Variants in ADGRG4 observed in about 807,000 individuals in gnomAD.
The protein encoded by ADGRG4 is G protein-coupled receptor 112.
A neutral mutation model predicts 126.2 loss-of-function variants in ADGRG4; 122 were observed. The observed-to-expected ratio is 0.97, with a 90% confidence interval of 0.83 to 1.12. The LOEUF (loss-of-function observed/expected upper bound fraction) is 1.12. Among genes scored for constraint, ADGRG4 ranks in the 50% most tolerant of loss-of-function variants. ADGRG4 has a pLI of 0.00. For synonymous variants in ADGRG4, 943 were observed against 838.7 expected, an observed-to-expected ratio of 1.12 and a Z score of -2.15; for missense variants, 2,481 against 2,251.8, an observed-to-expected ratio of 1.10 and a Z score of -2.06.
intron 13 of ADGRG4, among the ~76,000 whole-genome samples, chrX:136,364,237 C>T (rs183795801): frequency 3.1e-4 from 34 of 111,191 alleles, no homozygotes; most frequent in African/African-American, 1.1e-3. Context: ...CATCTCCCTC[C>T]CACTGCTGAC....
intron 1 of ADGRG4, among the ~76,000 whole-genome samples, chrX:136,301,681 C>T (rs918150048): frequency 1.8e-5 from 2 of 111,872 alleles, no homozygotes; most frequent in African/African-American, 6.5e-5. Flanking sequence ...AATGGTATTG[C>T]CTAGGTTTTC....
intron 4 of ADGRG4, among the ~76,000 whole-genome samples, chrX:136,314,472 C>T (rs141194552): frequency 9.0e-6 from 1 of 111,714 alleles, no homozygotes; most frequent in Non-Finnish European, 1.9e-5. Flanking sequence ...CACAGTCCCA[C>T]CAAAAGGCCT....
At position 136,400,051 on chromosome X, in the gene ADGRG4, C is replaced by G; in HGVS notation, c.8510C>G (p.Ala2837Gly). 8.3e-7 allele frequency: 1 copy of G among 1,206,526 alleles called. No homozygotes were observed. The highest frequency in any genetic ancestry group is 1.1e-6 in the Non-Finnish European group (1 of 890,817). The change falls in exon 21 of 26, where the codon GCT (alanine) becomes GGT (glycine). Residue 2837 changes from alanine to glycine, a missense_variant. By Grantham distance (60) the Ala-to-Gly change is moderately conservative (BLOSUM62 0). Coordinates refer to ENST00000394143, the MANE Select transcript of ADGRG4 (RefSeq NM_153834.4). The stretch of plus-strand genomic sequence containing the variant: ...CTGGAGGCAGTCCACATGTATTTGG[C>G]TCTAGTCAAAGTCTTCAACATATAC... ...MGLEAVHMYL[A>G]LVKVFNIYIP...
At chrX:136,360,176 T>C (rs1012292859) in intron 11 of ADGRG4, among the ~76,000 whole-genome samples, 1 of 111,115 alleles carries the variant, frequency 9.0e-6, no homozygotes, top group Non-Finnish European at 1.9e-5. Flanking sequence ...AATGAATGTG[T>C]CCTAAGAATG....
At chrX:136,383,463 T>C (rs1262336663) in intron 15 of ADGRG4, among the ~76,000 whole-genome samples, 1 of 112,000 alleles carries the variant, frequency 8.9e-6, no homozygotes, top group Non-Finnish European at 1.9e-5. Context: ...AACCAAGTCA[T>C]CCAAGCCTTC....
At chrX:136,353,280 G>T in intron 7 of ADGRG4, 57 bp from the exon 8 acceptor site, 2 of 784,106 alleles carry the variant, frequency 2.6e-6, no homozygotes, top group Non-Finnish European at 3.9e-6. Context: ...AAGTGATTTT[G>T]CTGAGTTAAA....
chrX:136,394,596 A>C (rs1458866960), intron 18 of ADGRG4, among the ~76,000 whole-genome samples: 3 of 111,803 alleles, frequency 2.7e-5, no homozygotes, highest in Non-Finnish European at 3.8e-5. Context: ...TTTGTCCCCT[A>C]CAACCTCAAT....
At chrX:136,384,631 A>G (rs1245914531) in intron 15 of ADGRG4, among the ~76,000 whole-genome samples, 1 of 111,412 alleles carries the variant, frequency 9.0e-6, no homozygotes, top group Non-Finnish European at 1.9e-5. Context: ...TGAGTTTTTA[A>G]TTTATCTGAA....
At chrX:136,332,099 C>T (rs900439252) in intron 5 of ADGRG4, among the ~76,000 whole-genome samples, 41 of 108,737 alleles carry the variant, frequency 3.8e-4, no homozygotes, top group African/African-American at 1.4e-3. Context: ...TGATGCGCTG[C>T]ACACACTAAC....
chrX:136,388,406 CAG>C (rs1270201064), intron 16 of ADGRG4, among the ~76,000 whole-genome samples: 1 of 112,042 alleles, frequency 8.9e-6, no homozygotes, highest in East Asian at 2.8e-4. Flanking sequence ...AGTGTGGACT[CAG>C]GGGCAGGCTG....
chrX:136,386,285 T>C (rs1230892945), intron 15 of ADGRG4, among the ~76,000 whole-genome samples: 1 of 111,942 alleles, frequency 8.9e-6, no homozygotes, highest in East Asian at 2.8e-4. Context: ...GTATTTTGTT[T>C]ACAATGGGGT....
At chrX:136,339,473 C>T (rs1240044428) in intron 5 of ADGRG4, among the ~76,000 whole-genome samples, 2 of 111,578 alleles carry the variant, frequency 1.8e-5, no homozygotes, top group African/African-American at 6.5e-5. Context: ...TAGCAAGGTG[C>T]CCAGTCAGTC....
At chrX:136,352,741 G>T (rs1203309850) in intron 7 of ADGRG4, among the ~76,000 whole-genome samples, 1 of 111,760 alleles carries the variant, frequency 8.9e-6, no homozygotes, top group African/African-American at 3.3e-5. Flanking sequence ...TTCCCTGTCA[G>T]CACTTATTTT....
chrX:136,390,956 C>T (rs1286665453), intron 16 of ADGRG4, among the ~76,000 whole-genome samples: 1 of 110,419 alleles, frequency 9.1e-6, no homozygotes, highest in Non-Finnish European at 1.9e-5. Flanking sequence ...AGCCCTTAGC[C>T]TTTTGAGTGT....
chrX:136,360,329 G>GA (rs1195661289), intron 11 of ADGRG4, among the ~76,000 whole-genome samples: 1 of 111,034 alleles, frequency 9.0e-6, no homozygotes, highest in Non-Finnish European at 1.9e-5. Context: ...TAAGTGCTCA[G>GA]AAAAAAATGG....
chrX:136,313,510 T>C (rs2074786628), intron 4 of ADGRG4, among the ~76,000 whole-genome samples: 1 of 112,289 alleles, frequency 8.9e-6, no homozygotes. Flanking sequence ...AGTTCTTTCT[T>C]TTTAATTTTT....
At chrX:136,323,507 A>C (rs2074853270) in intron 5 of ADGRG4, 115 bp downstream of exon 5, 3 of 594,701 alleles carry the variant, frequency 5.0e-6, no homozygotes, top group Non-Finnish European at 7.9e-6. Context: ...AGGAGCACAT[A>C]CTGTTTTCTT....
intron 13 of ADGRG4, among the ~76,000 whole-genome samples, chrX:136,365,773 C>T (rs758883630): frequency 2.7e-5 from 3 of 111,934 alleles, no homozygotes; most frequent in Non-Finnish European, 3.8e-5. Context: ...GGTAGTAATG[C>T]CCCCCAACAC....
In ADGRG4 at chrX:136,376,055, C is replaced by A. The variant is rs1186176899; in HGVS notation, c.7776+2991C>A. Among the ~76,000 whole-genome samples the A allele has an allele frequency of 2.7e-5, 3 of 111,655 alleles. No individual in the cohort carries two copies. In the East Asian group the frequency reaches 8.4e-4, roughly 31 times the overall value. The stretch of plus-strand genomic sequence containing the variant: ...AGACTCTTACATTTAAGACTTTGAT[C>A]CATCTTGCGTTAATTTTTGTATAAT... On this transcript the variant is annotated intron_variant, in intron 15 of 25. Coordinates refer to ENST00000394143, the MANE Select transcript of ADGRG4 (RefSeq NM_153834.4).
Sources: gnomAD v4.1 joint callset for allele counts (sites outside exome capture counted in the v4.1 genomes callset) on GRCh38, gnomAD v4.1.1 for gene constraint, MANE v1.5 for transcripts, NCBI Gene and HGNC (gene_info 2026-07-23, HGNC 2026-07-21) for gene names.